Variants in TAFA4 observed in about 807,000 individuals in gnomAD.
TAFA4 encodes TAFA chemokine like family member 4.
Under a neutral mutation model 21.1 loss-of-function variants are expected in TAFA4, and 20 were observed. The ratio of observed to expected loss-of-function variants is 0.95; its 90% CI spans 0.67 to 1.38. The LOEUF (loss-of-function observed/expected upper bound fraction) is 1.38. TAFA4 is among the 40% of genes most tolerant of loss of function. The probability of loss-of-function intolerance (pLI) is 0.00; values close to 1 mark genes in which losing one functional copy is unlikely to be tolerated. For synonymous variants in TAFA4, 71 were observed against 67.4 expected, an observed-to-expected ratio of 1.05 and a Z score of -0.26; for missense variants, 211 against 180.9, an observed-to-expected ratio of 1.17 and a Z score of -0.95.
At chr3:68,780,327 T>A (rs1398166831) in intron 3 of TAFA4, among the ~76,000 whole-genome samples, 1 of 152,104 alleles carries the variant, frequency 6.6e-6, no homozygotes, top group Admixed American at 6.5e-5. Context: ...TGGGAAGGCA[T>A]GATTGGTTTT....
At chr3:68,807,208 A>C (rs1206249902) in intron 3 of TAFA4, among the ~76,000 whole-genome samples, 2 of 152,152 alleles carry the variant, frequency 1.3e-5, no homozygotes, top group Non-Finnish European at 2.9e-5. Flanking sequence ...ATCAAAACAA[A>C]ACCTCACCAT....
intron 3 of TAFA4, among the ~76,000 whole-genome samples, chr3:68,879,654 TG>T (rs1230526441): frequency 1.3e-5 from 2 of 152,228 alleles, no homozygotes; most frequent in Non-Finnish European, 1.5e-5. Context: ...CTCATCTTCT[TG>T]GAACTGTCAC....
chr3:68,892,249 AC>A (rs2089736917), intron 1 of TAFA4, among the ~76,000 whole-genome samples: 2 of 152,190 alleles, frequency 1.3e-5, no homozygotes, highest in Non-Finnish European at 2.9e-5. Flanking sequence ...TTCCTTAAAA[AC>A]ATCAGTGAAG....
intron 3 of TAFA4, among the ~76,000 whole-genome samples, chr3:68,816,828 T>G (rs1269587107): frequency 6.6e-6 from 1 of 152,214 alleles, no homozygotes; most frequent in African/African-American, 2.4e-5. Flanking sequence ...GTCTATTCAA[T>G]AACTTTATGT....
chr3:68,880,900 G>A, intron 2 of TAFA4, 55 bp from the exon 3 acceptor site: 2 of 1,408,368 alleles, frequency 1.4e-6, no homozygotes, highest in Non-Finnish European at 2.0e-6. Flanking sequence ...CAGACTCCCT[G>A]GCAAGCACCA....
chr3:68,791,200 A>C (rs966117822), intron 3 of TAFA4, among the ~76,000 whole-genome samples: 2 of 152,240 alleles, frequency 1.3e-5, no homozygotes, highest in Non-Finnish European at 2.9e-5. Flanking sequence ...AGATATGTTT[A>C]AGTCCTAATC....
intron 3 of TAFA4, among the ~76,000 whole-genome samples, chr3:68,833,723 T>C (rs1315813401): frequency 6.6e-6 from 1 of 152,220 alleles, no homozygotes; most frequent in Non-Finnish European, 1.5e-5. Context: ...CTTAGCCCCC[T>C]ATCCACAACA....
At chr3:68,796,065 T>C (rs1049520754) in intron 3 of TAFA4, among the ~76,000 whole-genome samples, 1 of 152,050 alleles carries the variant, frequency 6.6e-6, no homozygotes, top group African/African-American at 2.4e-5. Context: ...AAACGGAGTC[T>C]CTCTCTGTGC....
At chr3:68,761,692 T>C (rs911374179) in intron 3 of TAFA4, among the ~76,000 whole-genome samples, 1 of 152,162 alleles carries the variant, frequency 6.6e-6, no homozygotes, top group Non-Finnish European at 1.5e-5. Context: ...TAATGTGACA[T>C]ATATTTTAAA....
In TAFA4 at chr3:68,841,344, A is replaced by AAAAAAAAG. The variant is rs376327182; in HGVS notation, c.130+39385_130+39386insCTTTTTTT. ...TCTCAAAAAAAAAAAAAATAAAAAA[A>AAAAAAAAG]AATAAAATCCACACACATTCTCCAC... On this transcript the variant is annotated intron_variant, in intron 3 of 5. Coordinates refer to ENST00000295569, the MANE Select transcript of TAFA4 (RefSeq NM_182522.5). 1.6e-4 allele frequency among the ~76,000 whole-genome samples: 12 copies of AAAAAAAAG among 73,622 alleles called. 2 individuals carry two copies. The highest frequency in any genetic ancestry group is 5.4e-4 in the African/African-American group (12 of 22,126). 48.3% of individuals were successfully genotyped at this position (73,622 alleles called of 152,430 possible). A position where few individuals can be genotyped will look rare whatever the true frequency, so the allele number is the denominator to read the frequency against.
At chr3:68,739,239 C>A (rs755542301) in intron 4 of TAFA4, 40 bp from the exon 5 acceptor site, 8 of 1,610,344 alleles carry the variant, frequency 5.0e-6, no homozygotes. Context: ...GACACTGTTT[C>A]TTCCTCCAAA....
rs1575664707 is a variant in TAFA4, at chr3:68,901,240, T to C, written c.-122-15930A>G. Among the ~76,000 whole-genome samples, 6 of 152,254 alleles carry C rather than the reference T, an allele frequency of 3.9e-5. 1 individual carries two copies. Among genetic ancestry groups the C allele is most frequent in the Admixed American group, 3.9e-4 (6 of 15,286 alleles). ...CAGGTCCCTGAAGGTCATTCTATTT[T>C]TAGTTCCAAGACTTTCCTTGGCCTG... On this transcript the variant is annotated intron_variant, in intron 1 of 5. Coordinates refer to ENST00000295569, the MANE Select transcript of TAFA4 (RefSeq NM_182522.5).
chr3:68,843,331 T>C (rs1704710352), intron 3 of TAFA4, among the ~76,000 whole-genome samples: 1 of 152,186 alleles, frequency 6.6e-6, no homozygotes, highest in Non-Finnish European at 1.5e-5. Context: ...GCTCTCTGTC[T>C]ATTATTGGTG....
At chr3:68,773,337 G>A (rs377370644) in intron 3 of TAFA4, among the ~76,000 whole-genome samples, 1 of 152,188 alleles carries the variant, frequency 6.6e-6, no homozygotes. Flanking sequence ...GGTCCTCGAT[G>A]TGGAGTGTCC....
At chr3:68,744,544 C>A (rs1416275173) in intron 4 of TAFA4, among the ~76,000 whole-genome samples, 1 of 152,148 alleles carries the variant, frequency 6.6e-6, no homozygotes, top group African/African-American at 2.4e-5. Context: ...CAGAGAAAAA[C>A]AATGAATCAG....
At chr3:68,908,777 A>G (rs775476535) in intron 1 of TAFA4, among the ~76,000 whole-genome samples, 3 of 152,248 alleles carry the variant, frequency 2.0e-5, no homozygotes, top group Non-Finnish European at 4.4e-5. Context: ...ATACTACTCA[A>G]AAGTACAGAA....
intron 1 of TAFA4, among the ~76,000 whole-genome samples, chr3:68,914,985 C>T (rs34443013): frequency 3.1e-3 from 466 of 152,238 alleles, no homozygotes; most frequent in Non-Finnish European, 4.7e-3. Context: ...GGCTTTTTCC[C>T]ACTATAACAG....
At chr3:68,862,723 C>T (rs530498395) in intron 3 of TAFA4, among the ~76,000 whole-genome samples, 2 of 152,148 alleles carry the variant, frequency 1.3e-5, no homozygotes, top group Non-Finnish European at 2.9e-5. Flanking sequence ...TTTAAACCCC[C>T]TTGGGCTGGT....
chr3:68,889,576 A>G (rs6810347), intron 1 of TAFA4, among the ~76,000 whole-genome samples: 146,003 of 152,192 alleles, frequency 0.96, 70,142 homozygotes, highest in East Asian at 0.99. Context: ...CACTCCACAT[A>G]TGAATCTGCA....
Sources: gnomAD v4.1 joint callset for allele counts (sites outside exome capture counted in the v4.1 genomes callset) on GRCh38, gnomAD v4.1.1 for gene constraint, MANE v1.5 for transcripts, NCBI Gene and HGNC (gene_info 2026-07-23, HGNC 2026-07-21) for gene names.